The following ADCY10 variants were observed in gnomAD, a reference collection of about 807,000 sequenced individuals.
ADCY10 encodes the protein adenylate cyclase type 10.
Under a neutral mutation model 183.3 loss-of-function variants are expected in ADCY10, and 156 were observed. The observed-to-expected ratio is 0.85, with a 90% CI of 0.75 to 0.97. The LOEUF is 0.97. Ranked by LOEUF, ADCY10 falls within the 50% of genes least tolerant of loss-of-function variation. The probability of loss-of-function intolerance (pLI) is 0.00; values close to 1 mark genes in which losing one functional copy is unlikely to be tolerated. For synonymous variants in ADCY10, 645 were observed against 670.0 expected (o/e 0.96, Z 0.58); for missense variants, 1,745 against 1,934.3 (o/e 0.90, Z 1.84).
chr1:167,857,264 C>A (rs772506581), intron 16 of ADCY10, among the ~76,000 whole-genome samples: 3 of 152,178 alleles, frequency 2.0e-5, no homozygotes, highest in Non-Finnish European at 4.4e-5. Context: ...ATTGAGTTAA[C>A]CCATTCTTTC....
chr1:167,840,252 G>A (rs1346985559), intron 21 of ADCY10, among the ~76,000 whole-genome samples: 1 of 151,844 alleles, frequency 6.6e-6, no homozygotes, highest in Non-Finnish European at 1.5e-5. Context: ...AATGGTAATG[G>A]TGATAGAATG....
At chr1:167,876,402 G>A (rs944535996) in intron 12 of ADCY10, among the ~76,000 whole-genome samples, 1 of 152,094 alleles carries the variant, frequency 6.6e-6, no homozygotes, top group Non-Finnish European at 1.5e-5. Flanking sequence ...GGGTGCATAT[G>A]TTTGCTCACT....
intron 7 of ADCY10, 27 bp from the exon 8 acceptor site, chr1:167,893,968 C>A (rs774010569): frequency 2.3e-5 from 36 of 1,571,380 alleles, no homozygotes; most frequent in Non-Finnish European, 3.2e-5. Context: ...AGGGTGCAGG[C>A]TCAGAGAGGG....
intron 25 of ADCY10, among the ~76,000 whole-genome samples, chr1:167,829,806 G>A (rs994741531): frequency 6.6e-6 from 1 of 152,220 alleles, no homozygotes; most frequent in African/African-American, 2.4e-5. Flanking sequence ...GTGAGACTCA[G>A]GTTAAGTAAT....
At chr1:167,813,831 A>G (rs894723319) in intron 31 of ADCY10, among the ~76,000 whole-genome samples, 1 of 152,168 alleles carries the variant, frequency 6.6e-6, no homozygotes, top group African/African-American at 2.4e-5. Flanking sequence ...TGGGGCATAT[A>G]ATGTACAAAA....
chr1:167,910,197 G>A (rs1323076469), intron 1 of ADCY10, among the ~76,000 whole-genome samples: 1 of 152,076 alleles, frequency 6.6e-6, no homozygotes, highest in Non-Finnish European at 1.5e-5. Flanking sequence ...TGGTATCTGT[G>A]GTTTTGTGTT....
chr1:167,850,862 TTGGGGA>T (rs1177741752), intron 18 of ADCY10, among the ~76,000 whole-genome samples: 1 of 152,104 alleles, frequency 6.6e-6, no homozygotes, highest in African/African-American at 2.4e-5. Context: ...TTTCCTAGGA[TTGGGGA>T]TTCAGGAGAG....
chr1:167,894,413 T>G (rs1040753213), intron 7 of ADCY10, among the ~76,000 whole-genome samples: 6 of 152,132 alleles, frequency 3.9e-5, no homozygotes, highest in African/African-American at 1.4e-4. Context: ...TTTGCTGCCC[T>G]GGTTGCCTCC....
At chr1:167,832,908 G>T (rs1663860453) in intron 25 of ADCY10, 79 bp downstream of exon 25, 2 of 1,498,256 alleles carry the variant, frequency 1.3e-6, no homozygotes, top group Non-Finnish European at 1.8e-6. Context: ...GCCAGGCTTT[G>T]GGGGCTGACT....
chr1:167,822,769 GGCA>G (rs1662992418), intron 29 of ADCY10, among the ~76,000 whole-genome samples: 1 of 152,144 alleles, frequency 6.6e-6, no homozygotes, highest in Non-Finnish European at 1.5e-5. Flanking sequence ...CAGTTTAACT[GGCA>G]GCTCATATCC....
intron 8 of ADCY10, among the ~76,000 whole-genome samples, chr1:167,884,815 A>G (rs1202221626): frequency 1.3e-5 from 2 of 150,324 alleles, no homozygotes; most frequent in African/African-American, 2.5e-5. Context: ...CTCCTGCCTC[A>G]GCTTCCAGAG....
chr1:167,867,591 C>T (rs1666798889), intron 14 of ADCY10, among the ~76,000 whole-genome samples: 1 of 152,116 alleles, frequency 6.6e-6, no homozygotes, highest in South Asian at 2.1e-4. Context: ...TGTTATGACC[C>T]ATTTTAAGCC....
At chr1:167,855,444 A>G (rs750373112) in intron 17 of ADCY10, among the ~76,000 whole-genome samples, 1 of 152,276 alleles carries the variant, frequency 6.6e-6, no homozygotes, top group Admixed American at 6.5e-5. Context: ...CCATAGACAG[A>G]GAACACCAAT....
In ADCY10 at chr1:167,822,035, A is replaced by C. The variant is rs1199854727; in HGVS notation, c.4275T>G (p.Ser1425=). 1 of 1,577,242 alleles carries C rather than the reference A, an allele frequency of 6.3e-7. No homozygotes were observed. Residue 1425 remains serine (S), a synonymous_variant, in exon 30 of 33, where the codon TCT becomes TCG. Coordinates refer to ENST00000367851, the MANE Select transcript of ADCY10 (RefSeq NM_018417.6). ...CCACACATTGTTACCAGATAGCTACAGAGGAATAAAGTCCCAGGAGGAGTC... is the reference window on the plus strand; with the variant it reads ...CCACACATTGTTACCAGATAGCTACCGAGGAATAAAGTCCCAGGAGGAGTC... ...HSGLLLGLYS[S]VAIWYARLQE...
chr1:167,911,111 C>A (rs1670123171), intron 1 of ADCY10, among the ~76,000 whole-genome samples: 1 of 152,096 alleles, frequency 6.6e-6, no homozygotes. Flanking sequence ...CAATGACTGG[C>A]AATCACCGAA....
intron 14 of ADCY10, among the ~76,000 whole-genome samples, chr1:167,867,132 A>G (rs1478857565): frequency 6.6e-6 from 1 of 152,216 alleles, no homozygotes; most frequent in Non-Finnish European, 1.5e-5. Context: ...GGTATCAGAG[A>G]GCCCAGTTAA....
At chr1:167,870,156 TATAG>T (rs1383360404) in intron 14 of ADCY10, 97 bp downstream of exon 14, 1 of 1,290,760 alleles carries the variant, frequency 7.7e-7, no homozygotes, top group Non-Finnish European at 1.1e-6. Flanking sequence ...AATTGTAGGT[TATAG>T]ATAATTTACA....
Position 167,827,312 on chromosome 1 carries a change from C to T in ADCY10, c.3750+1955G>A, listed in dbSNP as rs544880793. Among the ~76,000 whole-genome samples the T allele has an allele frequency of 1.5e-3, 220 of 151,024 alleles. 1 individual carries two copies. The highest frequency in any genetic ancestry group is 5.0e-3 in the African/African-American group (204 of 41,126). On this transcript the variant is annotated intron_variant, in intron 26 of 32. Transcript: ENST00000367851. ...CCTCCCGAGTAGCTGGGACTACAGG[C>T]GCCCGCCACCACGCCCGGCTAATTT...
In ADCY10 at chr1:167,830,487, G is replaced by A. The variant is rs532391275; in HGVS notation, c.3594-1064C>T. On this transcript the variant is annotated intron_variant, in intron 25 of 32. Coordinates refer to ENST00000367851, the MANE Select transcript of ADCY10 (RefSeq NM_018417.6). ...GCTCACTGCAACCTCTGCTTCCCAG[G>A]TTCAAGCGATTCTCTTTCCTCAGCC... Among the ~76,000 whole-genome samples, 3 of 152,150 alleles carry A rather than the reference G, an allele frequency of 2.0e-5. No homozygotes were observed. In the South Asian group the frequency reaches 6.2e-4, roughly 32 times the overall value.
Sources: gnomAD v4.1 joint callset for allele counts (sites outside exome capture counted in the v4.1 genomes callset) on GRCh38, gnomAD v4.1.1 for gene constraint, MANE v1.5 for transcripts, NCBI Gene and HGNC (gene_info 2026-07-23, HGNC 2026-07-21) for gene names.